KAZN: variants seen among roughly 807,000 people sequenced by gnomAD.
The protein encoded by KAZN is kazrin, periplakin interacting protein, also known as kazrin.
Under a neutral mutation model 87.4 loss-of-function variants are expected in KAZN, and 40 were observed. That is an observed-to-expected ratio of 0.46 (90% CI 0.36 to 0.60). The LOEUF (loss-of-function observed/expected upper bound fraction) is 0.60, where lower values mean the gene tolerates loss of function less well. Among genes scored for constraint, KAZN ranks in the 20% least tolerant of loss-of-function variants. The pLI is 0.00. For missense variants in KAZN, 898 were observed against 1,073.9 expected, an observed-to-expected ratio of 0.84 and a Z score of 2.29; for synonymous variants, 466 against 458.3, an observed-to-expected ratio of 1.02 and a Z score of -0.22.
intron 1 of KAZN, among the ~76,000 whole-genome samples, chr1:14,883,694 G>A (rs1031589382): frequency 6.6e-6 from 1 of 152,114 alleles, no homozygotes; most frequent in East Asian, 1.9e-4. Flanking sequence ...ATCAAAGCCA[G>A]CCCATCCCCA....
chr1:14,018,297 T>C (rs1446407831), intron 1 of KAZN, among the ~76,000 whole-genome samples: 1 of 152,158 alleles, frequency 6.6e-6, no homozygotes, highest in Non-Finnish European at 1.5e-5. Context: ...TGTGGGTAAA[T>C]TGACTTCGTG....
rs530233813 is a variant in KAZN at position 15,117,450 on chromosome 1, T to A, written c.*2815T>A. ...GCCGGACCTTTCTTTTGGAAATCTG[T>A]CTGTCTGTTGGCATCGCTGTTTTCA... On this transcript the variant is annotated 3_prime_UTR_variant, in exon 15 of 15. Coordinates refer to ENST00000376030, the MANE Select transcript of KAZN (RefSeq NM_201628.3). The A allele has an allele frequency of 1.9e-3, 271 of 139,790 alleles. No homozygotes were observed. Among genetic ancestry groups the A allele is most frequent in the African/African-American group, 6.4e-3 (260 of 40,762 alleles). The allele number at this position is 139,790 out of a possible 1,614,324, so 8.7% of individuals were successfully genotyped here.
intron 2 of KAZN, among the ~76,000 whole-genome samples, chr1:14,550,700 CTTTT>C: frequency 8.8e-6 from 1 of 113,240 alleles, no homozygotes; most frequent in Non-Finnish European, 1.8e-5. Context: ...CCTCTCTCCT[CTTTT>C]CTCTCTCTCT....
chr1:14,361,437 C>A (rs1413485489), intron 2 of KAZN, among the ~76,000 whole-genome samples: 1 of 152,220 alleles, frequency 6.6e-6, no homozygotes, highest in Non-Finnish European at 1.5e-5. Flanking sequence ...TGGCTTCAGC[C>A]CCCTCTTCCA....
chr1:14,929,545 G>A (rs2101563211), intron 1 of KAZN, among the ~76,000 whole-genome samples: 1 of 152,260 alleles, frequency 6.6e-6, no homozygotes. Flanking sequence ...ACAGCAAGCT[G>A]ACAAAAATGG....
intron 2 of KAZN, among the ~76,000 whole-genome samples, chr1:14,551,222 A>T (rs1022852613): frequency 2.0e-5 from 3 of 152,148 alleles, no homozygotes; most frequent in African/African-American, 7.2e-5. Flanking sequence ...GCACCGACTC[A>T]TATGGATAGA....
chr1:14,399,760 C>T (rs562798919), intron 2 of KAZN, among the ~76,000 whole-genome samples: 6 of 152,202 alleles, frequency 3.9e-5, no homozygotes, highest in South Asian at 2.1e-4. Flanking sequence ...GCTTCAAAGC[C>T]GTCGTGCTCG....
At chr1:14,119,424 C>T (rs1490211674) in intron 1 of KAZN, among the ~76,000 whole-genome samples, 1 of 152,226 alleles carries the variant, frequency 6.6e-6, no homozygotes, top group African/African-American at 2.4e-5. Flanking sequence ...GGGTTTGCAG[C>T]TGCTCAGGTG....
chr1:14,484,930 C>T (rs1335670050), intron 2 of KAZN, among the ~76,000 whole-genome samples: 1 of 152,168 alleles, frequency 6.6e-6, no homozygotes, highest in Non-Finnish European at 1.5e-5. Flanking sequence ...ATAGCCTCGG[C>T]CAAAGCAAAT....
At chr1:14,869,806 G>A (rs1413017570) in intron 1 of KAZN, among the ~76,000 whole-genome samples, 3 of 152,168 alleles carry the variant, frequency 2.0e-5, no homozygotes, top group South Asian at 2.1e-4. Context: ...CAGTGGCTGC[G>A]AGGAGCAGGT....
At chr1:13,927,125 T>C (rs1489084498) in intron 1 of KAZN, among the ~76,000 whole-genome samples, 1 of 152,228 alleles carries the variant, frequency 6.6e-6, no homozygotes, top group Non-Finnish European at 1.5e-5. Flanking sequence ...TGTGACCCAA[T>C]TTCCGTGTTC....
intron 1 of KAZN, among the ~76,000 whole-genome samples, chr1:14,798,930 A>ATTTGTTTG (rs113713152): frequency 4.0e-5 from 6 of 151,616 alleles, no homozygotes; most frequent in Admixed American, 2.6e-4. Context: ...CCAGCCAATT[A>ATTTGTTTG]TTTGTTTGTT....
intron 2 of KAZN, among the ~76,000 whole-genome samples, chr1:14,409,808 T>C (rs1413526489): frequency 6.6e-6 from 1 of 152,046 alleles, no homozygotes; most frequent in Non-Finnish European, 1.5e-5. Context: ...AAAAGAACTA[T>C]CTGAAAGATA....
At chr1:14,288,044 G>A (rs187447885) in intron 2 of KAZN, among the ~76,000 whole-genome samples, 81 of 152,298 alleles carry the variant, frequency 5.3e-4, no homozygotes, top group Non-Finnish European at 1.0e-3. Context: ...TGATCATGGT[G>A]GATAAGCTTT....
intron 2 of KAZN, among the ~76,000 whole-genome samples, chr1:14,435,538 C>T (rs185500475): frequency 1.2e-4 from 19 of 152,328 alleles, no homozygotes; most frequent in Non-Finnish European, 2.2e-4. Context: ...CCTTGATGGA[C>T]GCTGTATGGG....
chr1:14,536,295 G>A (rs796123353), intron 2 of KAZN, among the ~76,000 whole-genome samples: 3 of 152,320 alleles, frequency 2.0e-5, no homozygotes, highest in African/African-American at 7.2e-5. Flanking sequence ...GGGAAAGAAG[G>A]GGTCTGCCCG....
chr1:14,254,380 C>A (rs910182254), intron 2 of KAZN, among the ~76,000 whole-genome samples: 1 of 152,202 alleles, frequency 6.6e-6, no homozygotes. Flanking sequence ...TTATGACCTG[C>A]ATCTCCACGT....
chr1:14,216,964 T>A (rs1013062886), intron 2 of KAZN, among the ~76,000 whole-genome samples: 1 of 152,116 alleles, frequency 6.6e-6, no homozygotes, highest in African/African-American at 2.4e-5. Context: ...CAGGAAAAGA[T>A]CACAGTTGCT....
intron 1 of KAZN, among the ~76,000 whole-genome samples, chr1:14,160,429 A>G (rs991289586): frequency 5.3e-5 from 8 of 152,098 alleles, no homozygotes; most frequent in African/African-American, 1.9e-4. Context: ...CCTTGCTGCC[A>G]CTGCTGCAGG....
Sources: allele counts gnomAD v4.1 joint callset (sites outside exome capture counted in the v4.1 genomes callset), GRCh38; gene constraint gnomAD v4.1.1; transcripts MANE v1.5; gene names NCBI Gene and HGNC (gene_info 2026-07-23, HGNC 2026-07-21).